TMEFF2: variants seen among roughly 807,000 people sequenced by gnomAD.
TMEFF2 encodes the protein tomoregulin-2.
In TMEFF2, 28 loss-of-function variants were observed where a neutral mutation model predicts 53.8. The observed-to-expected ratio is 0.52, with a 90% CI of 0.39 to 0.71. The LOEUF (loss-of-function observed/expected upper bound fraction) is 0.71, where lower values mean the gene tolerates loss of function less well. TMEFF2 is among the 30% of genes least tolerant of loss of function. TMEFF2 has a pLI of 0.00. For missense variants in TMEFF2, 353 were observed against 455.2 expected, an observed-to-expected ratio of 0.78 and a Z score of 2.04; for synonymous variants, 162 against 166.3, an observed-to-expected ratio of 0.97 and a Z score of 0.20.
intron 4 of TMEFF2, among the ~76,000 whole-genome samples, chr2:192,074,453 A>G (rs1394115774): frequency 6.6e-6 from 1 of 151,814 alleles, no homozygotes; most frequent in Non-Finnish European, 1.5e-5. Flanking sequence ...ATGATAACTA[A>G]ACTATTTTAT....
intron 4 of TMEFF2, among the ~76,000 whole-genome samples, chr2:192,115,038 A>G (rs1689369018): frequency 6.6e-6 from 1 of 151,962 alleles, no homozygotes; most frequent in African/African-American, 2.4e-5. Flanking sequence ...ATTCAATGCA[A>G]TCCCTATCAA....
intron 7 of TMEFF2, among the ~76,000 whole-genome samples, chr2:191,977,182 G>C (rs968714883): frequency 6.6e-6 from 1 of 152,228 alleles, no homozygotes; most frequent in Non-Finnish European, 1.5e-5. Flanking sequence ...TTCCATGCTG[G>C]ACCAATAGAC....
chr2:192,159,650 G>A (rs1690587049), intron 4 of TMEFF2, among the ~76,000 whole-genome samples: 1 of 152,098 alleles, frequency 6.6e-6, no homozygotes, highest in Admixed American at 6.6e-5. Context: ...TACCCTAACT[G>A]CTTGGTATTG....
chr2:191,949,150 A>C lies in TMEFF2; in HGVS notation c.*1161T>G. On this transcript the variant is annotated 3_prime_UTR_variant, in exon 10 of 10. Coordinates refer to ENST00000272771, the MANE Select transcript of TMEFF2 (RefSeq NM_016192.4). ...TGATTTATTTTCATCTTATTCCTTG[A>C]GAATTTTCACAGCTTATTTTTTCCA... is the stretch of plus-strand genomic sequence containing the variant. 1.0e-6 allele frequency: 1 copy of C among 985,290 alleles called. No homozygotes were observed. Among genetic ancestry groups the C allele is most frequent in the Admixed American group, 6.1e-5 (1 of 16,280 alleles). The allele number at this position is 985,290 out of a possible 1,614,324, so 61.0% of individuals were successfully genotyped here.
At chr2:192,000,597 C>T (rs1686331298) in intron 5 of TMEFF2, among the ~76,000 whole-genome samples, 1 of 152,108 alleles carries the variant, frequency 6.6e-6, no homozygotes, top group South Asian at 2.1e-4. Context: ...GTCATCCTGG[C>T]ACCAGACTCA....
intron 7 of TMEFF2, among the ~76,000 whole-genome samples, chr2:191,981,508 G>A (rs939326973): frequency 1.3e-5 from 2 of 152,182 alleles, no homozygotes; most frequent in African/African-American, 4.8e-5. Flanking sequence ...CAGGCAGGTT[G>A]TGAAGAGATG....
intron 5 of TMEFF2, among the ~76,000 whole-genome samples, chr2:192,012,913 AG>A (rs1281567847): frequency 1.8e-4 from 27 of 152,330 alleles, no homozygotes; most frequent in Admixed American, 5.9e-4. Context: ...AAAAACCTAG[AG>A]GCTAGTCCAC....
intron 7 of TMEFF2, among the ~76,000 whole-genome samples, chr2:191,982,958 G>C (rs1412552084): frequency 6.6e-6 from 1 of 152,132 alleles, no homozygotes; most frequent in Non-Finnish European, 1.5e-5. Context: ...GGTGGAGCTT[G>C]CAGTAGAAAT....
At chr2:191,994,324 A>G (rs2105829757) in intron 7 of TMEFF2, among the ~76,000 whole-genome samples, 1 of 152,040 alleles carries the variant, frequency 6.6e-6, no homozygotes, top group Admixed American at 6.6e-5. Flanking sequence ...GTCATAAAAT[A>G]AAAAACATTT....
intron 4 of TMEFF2, among the ~76,000 whole-genome samples, chr2:192,074,725 A>T (rs963967636): frequency 7.9e-5 from 12 of 151,998 alleles, no homozygotes; most frequent in Non-Finnish European, 1.8e-4. Flanking sequence ...ATGTCCATTA[A>T]CACAAAAAAT....
At chr2:192,173,592 G>A (rs975082462) in intron 4 of TMEFF2, among the ~76,000 whole-genome samples, 20 of 151,822 alleles carry the variant, frequency 1.3e-4, no homozygotes, top group African/African-American at 4.8e-4. Flanking sequence ...AAGGCAATAT[G>A]CCTGCCACTG....
intron 7 of TMEFF2, among the ~76,000 whole-genome samples, chr2:191,972,449 C>T (rs891275139): frequency 1.3e-5 from 2 of 151,388 alleles, no homozygotes; most frequent in Non-Finnish European, 2.9e-5. Flanking sequence ...AGGCATGAAC[C>T]ACTGTGCCTG....
At chr2:192,108,991 T>C (rs1414914689) in intron 4 of TMEFF2, among the ~76,000 whole-genome samples, 1 of 152,004 alleles carries the variant, frequency 6.6e-6, no homozygotes, top group East Asian at 1.9e-4. Context: ...AATAGGTAAA[T>C]TCATAGAGAC....
chr2:192,089,339 T>C (rs1688736450), intron 4 of TMEFF2, among the ~76,000 whole-genome samples: 1 of 152,052 alleles, frequency 6.6e-6, no homozygotes, highest in African/African-American at 2.4e-5. Context: ...CAAACAATCT[T>C]AGTCTTTTTT....
At chr2:191,974,410 T>A (rs1692741391) in intron 7 of TMEFF2, among the ~76,000 whole-genome samples, 1 of 152,158 alleles carries the variant, frequency 6.6e-6, no homozygotes, top group Non-Finnish European at 1.5e-5. Context: ...AATGTGGTTT[T>A]TTTTTGGAGG....
intron 7 of TMEFF2, among the ~76,000 whole-genome samples, chr2:191,965,868 G>C (rs1383159568): frequency 6.6e-6 from 1 of 151,886 alleles, no homozygotes; most frequent in African/African-American, 2.4e-5. Context: ...CTGCCCCTCT[G>C]ACCTAAAACC....
At chr2:192,021,566 G>T (rs1049223883) in intron 5 of TMEFF2, among the ~76,000 whole-genome samples, 1 of 152,184 alleles carries the variant, frequency 6.6e-6, no homozygotes, top group South Asian at 2.1e-4. Flanking sequence ...AAAGAATAAC[G>T]TGGCTAGAAC....
rs544906141 is a variant in TMEFF2, at chr2:192,187,387, T to C, written c.283-2904A>G. Among the ~76,000 whole-genome samples, 42 of 152,356 alleles carry C rather than the reference T, an allele frequency of 2.8e-4. 1 individual carries two copies. Among genetic ancestry groups the C allele is most frequent in the African/African-American group, 9.6e-4 (40 of 41,580 alleles). ...TTTGTATGATATGTATTTTAACTAG[T>C]AGAGTTATCATCTAACTCTAACATC... On this transcript the variant is annotated intron_variant, in intron 2 of 9. Transcript: ENST00000272771.
intron 5 of TMEFF2, among the ~76,000 whole-genome samples, chr2:192,020,177 T>C (rs1686830404): frequency 2.0e-5 from 3 of 152,138 alleles, no homozygotes; most frequent in Admixed American, 1.3e-4. Context: ...TCAATTTGCC[T>C]AGTGGCATGT....
Sources: allele counts gnomAD v4.1 joint callset (sites outside exome capture counted in the v4.1 genomes callset), GRCh38; gene constraint gnomAD v4.1.1; transcripts MANE v1.5; gene names NCBI Gene and HGNC (gene_info 2026-07-23, HGNC 2026-07-21).